The following IFT140 variants were observed in gnomAD, a reference collection of about 807,000 sequenced individuals.
IFT140 encodes intraflagellar transport 140.
In IFT140, 133 loss-of-function variants were observed where a neutral mutation model predicts 164.6. The ratio of observed to expected loss-of-function variants is 0.81; its 90% CI spans 0.70 to 0.93. The LOEUF (loss-of-function observed/expected upper bound fraction) is 0.93, where lower values mean the gene tolerates loss of function less well. Ranked by LOEUF, IFT140 falls within the 40% of genes least tolerant of loss-of-function variation. The pLI is 0.00. For synonymous variants in IFT140, 860 were observed against 817.3 expected (o/e 1.05, Z -0.89); for missense variants, 2,045 against 1,972.3 (o/e 1.04, Z -0.70).
At chr16:1,546,042 C>T (rs1045379252) in intron 19 of IFT140, among the ~76,000 whole-genome samples, 1 of 152,390 alleles carries the variant, frequency 6.6e-6, no homozygotes, top group Non-Finnish European at 1.5e-5. Flanking sequence ...CTCCCCTCTC[C>T]TCCTCGTGGC....
chr16:1,528,988 T>A (rs947328425), intron 19 of IFT140, among the ~76,000 whole-genome samples: 1 of 152,036 alleles, frequency 6.6e-6, no homozygotes, highest in Non-Finnish European at 1.5e-5. Flanking sequence ...GGCTCCGAGA[T>A]GGTAGCCCCG....
intron 18 of IFT140, among the ~76,000 whole-genome samples, chr16:1,559,811 T>C (rs1477166955): frequency 1.3e-5 from 2 of 152,122 alleles, no homozygotes; most frequent in African/African-American, 4.8e-5. Flanking sequence ...CAGACAATTG[T>C]ACTGAAAATA....
chr16:1,519,941 G>T lies in IFT140; in HGVS notation c.3980C>A (p.Thr1327Asn), dbSNP rs1185797524. ...AKAKSPLDQE[T>N]RLAQLQSRMA... ...CCTGCTCTGCAGCTGCGCCAGCCTGGTCTCCTGGTCCAGGGGGCTCTTGGC... is the reference window on the plus strand; with the variant it reads ...CCTGCTCTGCAGCTGCGCCAGCCTGTTCTCCTGGTCCAGGGGGCTCTTGGC... Residue 1327 changes from threonine to asparagine, a missense_variant, in exon 29 of 31, where the codon ACC becomes AAC. Coordinates refer to ENST00000426508, the MANE Select transcript of IFT140 (RefSeq NM_014714.4). 6.2e-7 allele frequency: 1 copy of T among 1,604,406 alleles called. No homozygotes were observed. The highest frequency in any genetic ancestry group is 1.1e-5 in the South Asian group (1 of 89,868).
chr16:1,579,679 C>G (rs558053068), intron 13 of IFT140, among the ~76,000 whole-genome samples: 6 of 152,094 alleles, frequency 3.9e-5, no homozygotes, highest in South Asian at 2.1e-4. Flanking sequence ...CAGAAGGGAA[C>G]CTCCTGGCCA....
chr16:1,578,923 G>A (rs1308647143), intron 13 of IFT140, among the ~76,000 whole-genome samples: 2 of 152,164 alleles, frequency 1.3e-5, no homozygotes, highest in Non-Finnish European at 2.9e-5. Flanking sequence ...TGCGGCCCAG[G>A]CTGGTTTCAA....
intron 19 of IFT140, chr16:1,541,833 AAC>A (rs2031670878): frequency 1.4e-6 from 2 of 1,453,668 alleles, no homozygotes; most frequent in African/African-American, 1.4e-5. Context: ...TTCCGAGGCA[AAC>A]AGAGACCACG....
At position 1,511,105 on chromosome 16, in the gene IFT140, T is replaced by A; in HGVS notation, c.4228A>T (p.Asn1410Tyr). 2 of 1,610,652 alleles carry A rather than the reference T, an allele frequency of 1.2e-6. No individual in the cohort carries two copies. The highest frequency in any genetic ancestry group is 2.2e-5 in the South Asian group (2 of 90,538). Residue 1410 changes from asparagine (N) to tyrosine (Y), a missense_variant, in exon 31 of 31, where the codon AAC (asparagine) becomes TAC (tyrosine). Asn to Tyr is a moderately radical substitution (Grantham distance 143). Coordinates refer to ENST00000426508, the MANE Select transcript of IFT140 (RefSeq NM_014714.4). ...EEMRRRLPLA[N>Y]MSYYVSPQAV... is the part of the protein sequence containing the mutation. ...TGCGGGCTCACGTAGTAGGACATGTTGGCCAAGGGAAGCCGCCGCCGCATC... is the reference window on the plus strand; with the variant it reads ...TGCGGGCTCACGTAGTAGGACATGTAGGCCAAGGGAAGCCGCCGCCGCATC...
In IFT140 at chr16:1,541,449, G is replaced by C. The variant is rs187784543; in HGVS notation, c.2400-14653C>G. On this transcript the variant is annotated intron_variant, in intron 19 of 30. Transcript: ENST00000426508. The stretch of plus-strand genomic sequence containing the variant: ...GCTTGGGGGTCGGGCAGCTGAGCAC[G>C]CAGGACAGCACGCCTGAGGAGCTGG... The C allele has an allele frequency of 5.1e-6, 5 of 985,322 alleles. No individual in the cohort carries two copies. In the South Asian group the frequency reaches 2.3e-4, roughly 46 times the overall value. 61.0% of individuals were successfully genotyped at this position (985,322 alleles called of 1,614,324 possible). A position where few individuals can be genotyped will look rare whatever the true frequency, so the allele number is the denominator to read the frequency against.
chr16:1,540,216 A>G (rs1261834597), intron 19 of IFT140, among the ~76,000 whole-genome samples: 1 of 152,220 alleles, frequency 6.6e-6, no homozygotes, highest in African/African-American at 2.4e-5. Flanking sequence ...GCCAGGTGGG[A>G]AGCAGATGCC....
At chr16:1,548,286 C>T (rs983604552) in intron 19 of IFT140, among the ~76,000 whole-genome samples, 6 of 152,212 alleles carry the variant, frequency 3.9e-5, no homozygotes, top group Non-Finnish European at 8.8e-5. Flanking sequence ...CATCAGGGGT[C>T]AGCCCTGGGG....
At chr16:1,513,050 C>G (rs1340365992) in intron 30 of IFT140, 1 of 152,202 alleles carries the variant, frequency 6.6e-6, no homozygotes, top group Non-Finnish European at 1.5e-5. Flanking sequence ...AAGCTCATTT[C>G]TCGATACTCA....
chr16:1,544,283 A>C (rs1263729913), intron 19 of IFT140, among the ~76,000 whole-genome samples: 1 of 150,918 alleles, frequency 6.6e-6, no homozygotes. Context: ...TCCCGGGTTC[A>C]CGCCATTCTC....
At chr16:1,586,979 T>G (rs1190678156) in intron 9 of IFT140, among the ~76,000 whole-genome samples, 1 of 152,232 alleles carries the variant, frequency 6.6e-6, no homozygotes, top group South Asian at 2.1e-4. Flanking sequence ...AGTACTGGGA[T>G]GCAGGTTGTC....
intron 4 of IFT140, among the ~76,000 whole-genome samples, chr16:1,601,527 CA>C (rs2035795886): frequency 6.6e-6 from 1 of 152,316 alleles, no homozygotes; most frequent in Admixed American, 6.5e-5. Flanking sequence ...GATAAACTCA[CA>C]AATACTCAGG....
At chr16:1,546,429 T>C (rs1199051881) in intron 19 of IFT140, among the ~76,000 whole-genome samples, 2 of 152,190 alleles carry the variant, frequency 1.3e-5, no homozygotes, top group Non-Finnish European at 2.9e-5. Context: ...TGTGAGTGCC[T>C]GGACGAGCCC....
chr16:1,594,793 T>C (rs1179368012), intron 4 of IFT140, among the ~76,000 whole-genome samples: 1 of 152,168 alleles, frequency 6.6e-6, no homozygotes, highest in Non-Finnish European at 1.5e-5. Flanking sequence ...TCTGAGTCCG[T>C]GTGCGTGGCT....
intron 10 of IFT140, 87 bp downstream of exon 10, chr16:1,586,043 T>A: frequency 2.0e-6 from 3 of 1,526,294 alleles, no homozygotes; most frequent in South Asian, 2.2e-5. Flanking sequence ...AGTGCTGGGA[T>A]TACAGGCGTG....
chr16:1,563,781 T>A (rs189331319), intron 17 of IFT140, among the ~76,000 whole-genome samples: 85 of 152,278 alleles, frequency 5.6e-4, no homozygotes, highest in African/African-American at 1.9e-3. Flanking sequence ...AGATTTTTTT[T>A]ATTAATTCTT....
intron 19 of IFT140, among the ~76,000 whole-genome samples, chr16:1,530,133 CTTTTTTT>C (rs922819138): frequency 2.9e-4 from 26 of 88,586 alleles, no homozygotes; most frequent in African/African-American, 9.8e-4. Context: ...CGACGGGAAT[CTTTTTTT>C]TTTTTTTTTT....
Sources: gnomAD v4.1 joint callset for allele counts (sites outside exome capture counted in the v4.1 genomes callset) on GRCh38, gnomAD v4.1.1 for gene constraint, MANE v1.5 for transcripts, NCBI Gene and HGNC (gene_info 2026-07-23, HGNC 2026-07-21) for gene names.